The following BPTF variants were observed in gnomAD, a reference collection of about 807,000 sequenced individuals.
BPTF encodes the protein bromodomain PHD finger transcription factor.
A neutral mutation model predicts 292.5 loss-of-function variants in BPTF; 18 were observed. The observed-to-expected ratio is 0.06, with a 90% CI of 0.04 to 0.09. The LOEUF (loss-of-function observed/expected upper bound fraction) is 0.09, where lower values mean the gene tolerates loss of function less well. Among genes scored for constraint, BPTF ranks in the 10% least tolerant of loss-of-function variants. BPTF has a pLI of 1.00. For missense variants in BPTF, 2,726 were observed against 3,498.7 expected, an observed-to-expected ratio of 0.78 and a Z score of 5.57; for synonymous variants, 1,225 against 1,251.9, an observed-to-expected ratio of 0.98 and a Z score of 0.45.
intron 2 of BPTF, among the ~76,000 whole-genome samples, chr17:67,863,422 C>T (rs1455503845): frequency 6.6e-6 from 1 of 152,156 alleles, no homozygotes; most frequent in Non-Finnish European, 1.5e-5. Context: ...GTAGCTGGGA[C>T]TACAGGCACA....
At chr17:67,973,243 AGATGCC>A (rs1403357026) in intron 26 of BPTF, among the ~76,000 whole-genome samples, 1 of 150,634 alleles carries the variant, frequency 6.6e-6, no homozygotes, top group Non-Finnish European at 1.5e-5. Flanking sequence ...GCATGGTGGC[AGATGCC>A]TGTAGTCCTA....
intron 7 of BPTF, among the ~76,000 whole-genome samples, chr17:67,898,450 G>A (rs951313935): frequency 2.0e-5 from 3 of 151,906 alleles, no homozygotes; most frequent in Non-Finnish European, 2.9e-5. Flanking sequence ...TAATTTATTG[G>A]GTTTTTTTAT....
chr17:67,962,129 C>CGA (rs1427397585), intron 24 of BPTF, among the ~76,000 whole-genome samples: 5 of 94,432 alleles, frequency 5.3e-5, no homozygotes, highest in Non-Finnish European at 1.5e-4. Flanking sequence ...GGCTATACAG[C>CGA]GAGACAAAAG....
intron 1 of BPTF, among the ~76,000 whole-genome samples, chr17:67,842,861 C>G (rs943517456): frequency 5.5e-5 from 7 of 127,714 alleles, no homozygotes; most frequent in African/African-American, 1.7e-4. Flanking sequence ...TGAAGAAAAT[C>G]TAAGAGAATG....
intron 23 of BPTF, among the ~76,000 whole-genome samples, chr17:67,952,859 T>C (rs574734288): frequency 5.4e-4 from 82 of 152,354 alleles, no homozygotes; most frequent in African/African-American, 2.0e-3. Flanking sequence ...GTTCCTCCTC[T>C]TTCCCCCTGT....
chr17:67,887,017 G>A (rs2060797611), intron 4 of BPTF, among the ~76,000 whole-genome samples: 1 of 152,074 alleles, frequency 6.6e-6, no homozygotes. Flanking sequence ...TGGACTTGCT[G>A]GTCAAATGGT....
intron 2 of BPTF, among the ~76,000 whole-genome samples, chr17:67,864,705 T>C (rs1295979903): frequency 2.0e-5 from 3 of 152,224 alleles, no homozygotes; most frequent in African/African-American, 7.2e-5. Flanking sequence ...GAATACGGTA[T>C]AGGTTGAGTA....
chr17:67,904,696 C>A lies in BPTF; in HGVS notation c.2674-6C>A. The A allele has an allele frequency of 6.3e-7, 1 of 1,593,386 alleles. No homozygotes were observed. The highest frequency in any genetic ancestry group is 8.6e-7 in the Non-Finnish European group (1 of 1,168,110). On this transcript the variant is annotated splice_region_variant and splice_polypyrimidine_tract_variant and intron_variant, in intron 8 of 27. Coordinates refer to ENST00000306378, the MANE Select transcript of BPTF (RefSeq NM_182641.4). ...TGTTTAATCAAAATGTTTTCATTTA[C>A]ACCAGGTTTGGAAACAAAAAGGTGA...
intron 1 of BPTF, among the ~76,000 whole-genome samples, chr17:67,830,554 A>G (rs2056573459): frequency 6.9e-6 from 1 of 144,538 alleles, no homozygotes; most frequent in Non-Finnish European, 1.5e-5. Flanking sequence ...AATATACCCC[A>G]TTTAAGGGGA....
intron 1 of BPTF, among the ~76,000 whole-genome samples, chr17:67,840,664 G>T (rs2057484634): frequency 6.6e-6 from 1 of 151,982 alleles, no homozygotes; most frequent in Non-Finnish European, 1.5e-5. Flanking sequence ...AAGGCTCAAG[G>T]TGATCCTCCC....
intron 4 of BPTF, among the ~76,000 whole-genome samples, chr17:67,878,536 T>C (rs2060186200): frequency 6.6e-6 from 1 of 152,310 alleles, no homozygotes; most frequent in Non-Finnish European, 1.5e-5. Flanking sequence ...CTCTGCATCC[T>C]TGCTAACACT....
intron 12 of BPTF, among the ~76,000 whole-genome samples, chr17:67,919,192 A>AATC (rs1306422976): frequency 7.2e-6 from 1 of 139,828 alleles, no homozygotes; most frequent in African/African-American, 2.9e-5. Context: ...TAATAATAAT[A>AATC]ATAATAATAA....
At chr17:67,886,089 T>C in intron 4 of BPTF, 3 of 1,392,554 alleles carry the variant, frequency 2.2e-6, no homozygotes, top group Non-Finnish European at 3.0e-6. Context: ...ATTTTTCATG[T>C]GATTTCCAAT....
intron 26 of BPTF, among the ~76,000 whole-genome samples, chr17:67,966,997 G>A (rs1555687851): frequency 6.6e-6 from 1 of 151,436 alleles, no homozygotes; most frequent in Non-Finnish European, 1.5e-5. Flanking sequence ...CTACTCAGGA[G>A]GCTGAGGCAG....
chr17:67,900,502 G>A (rs1368219958), intron 7 of BPTF, among the ~76,000 whole-genome samples: 2 of 151,958 alleles, frequency 1.3e-5, no homozygotes, highest in African/African-American at 4.8e-5. Flanking sequence ...AGGTGAAGCG[G>A]GAGGATTGCT....
At chr17:67,939,750 CAT>C (rs2065215297) in intron 18 of BPTF, among the ~76,000 whole-genome samples, 2 of 152,154 alleles carry the variant, frequency 1.3e-5, no homozygotes, top group Admixed American at 1.3e-4. Context: ...TGTGGTGGGA[CAT>C]GCCTGTAGTC....
At chr17:67,932,870 G>T (rs2064526578) in intron 18 of BPTF, among the ~76,000 whole-genome samples, 1 of 151,956 alleles carries the variant, frequency 6.6e-6, no homozygotes, top group African/African-American at 2.4e-5. Flanking sequence ...AGACAAGGAT[G>T]GCCCTACTGA....
At chr17:67,879,190 G>A (rs1249758861) in intron 4 of BPTF, among the ~76,000 whole-genome samples, 3 of 148,900 alleles carry the variant, frequency 2.0e-5, no homozygotes, top group Non-Finnish European at 3.0e-5. Flanking sequence ...CGCCCAGGCT[G>A]GAGTACAGTG....
chr17:67,837,650 T>G (rs1468448506), intron 1 of BPTF, among the ~76,000 whole-genome samples: 1 of 152,194 alleles, frequency 6.6e-6, no homozygotes, highest in Non-Finnish European at 1.5e-5. Context: ...CCTCAGGCAA[T>G]CTGCCCACCT....
Sources: allele counts gnomAD v4.1 joint callset (sites outside exome capture counted in the v4.1 genomes callset), GRCh38; gene constraint gnomAD v4.1.1; transcripts MANE v1.5; gene names NCBI Gene and HGNC (gene_info 2026-07-23, HGNC 2026-07-21).